The following SLIT3 variants were observed in gnomAD, a reference collection of about 807,000 sequenced individuals.
The protein encoded by SLIT3 is slit homolog 3 protein.
A neutral mutation model predicts 184.0 loss-of-function variants in SLIT3; 68 were observed. The ratio of observed to expected loss-of-function variants is 0.37; its 90% CI spans 0.30 to 0.45. The LOEUF is 0.45. SLIT3 is among the 20% of genes least tolerant of loss of function. SLIT3 has a pLI of 1.00. For synonymous variants in SLIT3, 831 were observed against 828.6 expected, an observed-to-expected ratio of 1.00 and a Z score of -0.05; for missense variants, 1,707 against 2,026.0, an observed-to-expected ratio of 0.84 and a Z score of 3.02.
chr5:169,249,140 T>C (rs1285532865), intron 2 of SLIT3, among the ~76,000 whole-genome samples: 1 of 152,186 alleles, frequency 6.6e-6, no homozygotes, highest in Non-Finnish European at 1.5e-5. Flanking sequence ...AGGAAAAATA[T>C]GGTAAAAATG....
chr5:169,122,042 G>A (rs113729222), intron 4 of SLIT3, among the ~76,000 whole-genome samples: 2 of 152,316 alleles, frequency 1.3e-5, no homozygotes, highest in African/African-American at 4.8e-5. Flanking sequence ...GCAACTTCCG[G>A]TTGCTTTCCA....
intron 24 of SLIT3, 68 bp downstream of exon 24, chr5:168,712,215 A>G (rs1762580816): frequency 5.2e-6 from 7 of 1,355,262 alleles, no homozygotes; most frequent in Non-Finnish European, 7.4e-6. Flanking sequence ...GACAGTGATG[A>G]CATTGTCGCT....
At chr5:169,198,978 A>G (rs559097962) in intron 3 of SLIT3, among the ~76,000 whole-genome samples, 8,839 of 148,848 alleles carry the variant, frequency 0.059, 406 homozygotes, top group East Asian at 0.19. Flanking sequence ...ACACACACAT[A>G]TGTGTGTATA....
intron 4 of SLIT3, among the ~76,000 whole-genome samples, chr5:168,922,456 C>CA (rs34132541): frequency 0.24 from 19,347 of 82,010 alleles, 2,801 homozygotes; most frequent in Non-Finnish European, 0.3. Context: ...GACTCTGTCT[C>CA]AAAAAAAAAA....
intron 4 of SLIT3, among the ~76,000 whole-genome samples, chr5:168,894,740 A>G (rs937454038): frequency 6.6e-6 from 1 of 152,218 alleles, no homozygotes; most frequent in Non-Finnish European, 1.5e-5. Context: ...ATAGATTTGG[A>G]AAATGCATTC....
At chr5:168,874,031 G>A (rs144464578) in intron 5 of SLIT3, among the ~76,000 whole-genome samples, 10 of 152,230 alleles carry the variant, frequency 6.6e-5, no homozygotes, top group African/African-American at 9.6e-5. Context: ...CCCCTGAGTC[G>A]TACTTTGAGG....
intron 20 of SLIT3, among the ~76,000 whole-genome samples, chr5:168,738,714 G>C (rs1763516070): frequency 1.3e-5 from 2 of 152,136 alleles, no homozygotes. Context: ...CGAGGCAGGT[G>C]GATCACAAGG....
At chr5:169,265,543 A>T (rs910659334) in intron 1 of SLIT3, among the ~76,000 whole-genome samples, 7 of 152,286 alleles carry the variant, frequency 4.6e-5, no homozygotes, top group East Asian at 3.9e-4. Flanking sequence ...CCTGCTGCCA[A>T]ACATAGCGCT....
chr5:168,711,299 C>T (rs575902045), intron 24 of SLIT3, among the ~76,000 whole-genome samples: 7 of 152,302 alleles, frequency 4.6e-5, no homozygotes, highest in Admixed American at 1.3e-4. Context: ...CTCTCACCTA[C>T]GCAAGTAAGA....
intron 4 of SLIT3, among the ~76,000 whole-genome samples, chr5:168,932,933 A>C (rs1394965974): frequency 6.6e-6 from 1 of 152,238 alleles, no homozygotes; most frequent in East Asian, 1.9e-4. Flanking sequence ...ATTATAAGAT[A>C]CAGTCCTTGT....
At chr5:169,214,068 T>C (rs1343027386) in intron 3 of SLIT3, among the ~76,000 whole-genome samples, 1 of 152,146 alleles carries the variant, frequency 6.6e-6, no homozygotes, top group African/African-American at 2.4e-5. Context: ...CTCAGAACAA[T>C]TGACTAAACT....
intron 3 of SLIT3, among the ~76,000 whole-genome samples, chr5:169,196,588 T>C (rs1428533279): frequency 6.6e-6 from 1 of 152,096 alleles, no homozygotes; most frequent in Non-Finnish European, 1.5e-5. Flanking sequence ...ATTAATCCTG[T>C]CTCATACAGA....
At chr5:168,951,702 T>C (rs1267462710) in intron 4 of SLIT3, among the ~76,000 whole-genome samples, 2 of 152,188 alleles carry the variant, frequency 1.3e-5, no homozygotes, top group Non-Finnish European at 2.9e-5. Flanking sequence ...AATGAGCTCC[T>C]GCCCTACTCC....
At chr5:169,131,646 A>G (rs1761301880) in intron 4 of SLIT3, among the ~76,000 whole-genome samples, 1 of 152,200 alleles carries the variant, frequency 6.6e-6, no homozygotes, top group Non-Finnish European at 1.5e-5. Flanking sequence ...TTTAACACCT[A>G]CTTTTTCAGC....
In SLIT3 at chr5:168,817,772, G is replaced by A. The variant is rs191714274; in HGVS notation, c.630-309C>T. On this transcript the variant is annotated intron_variant, in intron 7 of 35. Coordinates refer to ENST00000519560, the MANE Select transcript of SLIT3 (RefSeq NM_003062.4). ...AGAAAAGGGGAGTGACATTATTACA[G>A]TGACATCCTGATTGGAGTCAAACTT... is the stretch of plus-strand genomic sequence containing the variant. Among the ~76,000 whole-genome samples the A allele has an allele frequency of 2.0e-4, 31 of 152,320 alleles. No individual in the cohort carries two copies. The East Asian group carries it at 5.8e-3, about 28-fold the overall frequency.
In SLIT3 at chr5:168,898,181, C is replaced by A. The variant is rs541981160; in HGVS notation, c.414-14845G>T. Among the ~76,000 whole-genome samples the A allele has an allele frequency of 5.9e-5, 9 of 152,310 alleles. No homozygotes were observed. The East Asian group carries it at 1.7e-3, about 29-fold the overall frequency. ...TAGTATCTTAAGTTTACCCAGAGGA[C>A]CATTTTATTTAATTAACTTGGTGCT... On this transcript the variant is annotated intron_variant, in intron 4 of 35. Coordinates refer to ENST00000519560, the MANE Select transcript of SLIT3 (RefSeq NM_003062.4).
Position 169,090,898 on chromosome 5 carries a change from G to T in SLIT3, c.413+102581C>A, listed in dbSNP as rs78394411. Reference sequence around the variant, plus strand: ...GGCCTCCAGAACTGCGAAAGAATACGTGACTGTTATCTTAAGCTACAAGTC... The same window carrying T: ...GGCCTCCAGAACTGCGAAAGAATACTTGACTGTTATCTTAAGCTACAAGTC... On this transcript the variant is annotated intron_variant, in intron 4 of 35. Transcript: ENST00000519560. Among the ~76,000 whole-genome samples, 3 of 152,336 alleles carry T rather than the reference G, an allele frequency of 2.0e-5. No individual in the cohort carries two copies. In the South Asian group the frequency reaches 6.2e-4, roughly 32 times the overall value.
At chr5:169,265,983 A>G (rs1766384720) in intron 1 of SLIT3, among the ~76,000 whole-genome samples, 1 of 152,228 alleles carries the variant, frequency 6.6e-6, no homozygotes, top group African/African-American at 2.4e-5. Context: ...CCCAGCCAAC[A>G]CACTCAGAAA....
At chr5:169,258,782 CCTT>C (rs1374557249) in intron 1 of SLIT3, among the ~76,000 whole-genome samples, 1 of 152,164 alleles carries the variant, frequency 6.6e-6, no homozygotes, top group Non-Finnish European at 1.5e-5. Flanking sequence ...ATATCCATAC[CCTT>C]CTTTTTATTC....
Sources: allele counts gnomAD v4.1 joint callset (sites outside exome capture counted in the v4.1 genomes callset), GRCh38; gene constraint gnomAD v4.1.1; transcripts MANE v1.5; gene names NCBI Gene and HGNC (gene_info 2026-07-23, HGNC 2026-07-21).